Variants in FAAH2 observed in about 807,000 individuals in gnomAD.
The protein encoded by FAAH2 is fatty-acid amide hydrolase 2.
In FAAH2, 60 loss-of-function variants were observed where a neutral mutation model predicts 36.9. The ratio of observed to expected loss-of-function variants is 1.63; its 90% CI spans 1.32 to 2.02. The LOEUF (loss-of-function observed/expected upper bound fraction) is 2.02, where lower values mean the gene tolerates loss of function less well. Ranked by LOEUF, FAAH2 falls within the 30% of genes most tolerant of loss-of-function variation. The pLI is 0.00. For missense variants in FAAH2, 689 were observed against 397.5 expected (o/e 1.73, Z -6.23); for synonymous variants, 214 against 143.8 (o/e 1.49, Z -3.49).
chrX:57,485,269 A>T (rs1156802247), intron 10 of FAAH2, among the ~76,000 whole-genome samples: 2 of 111,409 alleles, frequency 1.8e-5, no homozygotes, highest in Non-Finnish European at 3.8e-5. Flanking sequence ...TGTCAGGGGC[A>T]AAGTTAGTGG....
intron 10 of FAAH2, among the ~76,000 whole-genome samples, chrX:57,452,964 T>A (rs976144585): frequency 7.1e-5 from 8 of 112,078 alleles, no homozygotes; most frequent in African/African-American, 2.6e-4. Context: ...CCTTAAAGAC[T>A]GACAACTCCC....
At chrX:57,251,393 T>A in the FAAH2 span, among the ~76,000 whole-genome samples, 2 of 111,480 alleles carry the variant, frequency 1.8e-5, no homozygotes, top group African/African-American at 6.5e-5. Flanking sequence ...ACAGCTAACC[T>A]CATACTAAGT....
At chrX:57,188,930 C>T in the FAAH2 span, among the ~76,000 whole-genome samples, 3 of 111,143 alleles carry the variant, frequency 2.7e-5, no homozygotes, top group African/African-American at 9.8e-5. Flanking sequence ...GAATGTTCAT[C>T]TTTCTTGCTA....
intron 5 of FAAH2, among the ~76,000 whole-genome samples, 158 bp from the exon 6 acceptor site, chrX:57,378,493 A>G (rs1280152115): frequency 8.9e-6 from 1 of 112,079 alleles, no homozygotes; most frequent in Non-Finnish European, 1.9e-5. Flanking sequence ...TAAGAGAGCT[A>G]GTAAAATTGT....
the FAAH2 span, among the ~76,000 whole-genome samples, chrX:57,265,630 A>C: frequency 9.0e-6 from 1 of 111,107 alleles, no homozygotes; most frequent in Admixed American, 9.5e-5. Flanking sequence ...TTGGGGGGTA[A>C]CTCCCAACCA....
At chrX:57,168,060 A>T in the FAAH2 span, among the ~76,000 whole-genome samples, 1 of 112,124 alleles carries the variant, frequency 8.9e-6, no homozygotes, top group African/African-American at 3.2e-5. Context: ...AGTTTAAATG[A>T]TTACTTTTAG....
At chrX:57,485,392 C>G (rs1325127121) in intron 10 of FAAH2, among the ~76,000 whole-genome samples, 1 of 111,047 alleles carries the variant, frequency 9.0e-6, no homozygotes, top group African/African-American at 3.3e-5. Context: ...CACTGGTGAC[C>G]TGGAGCCTGC....
intron 7 of FAAH2, chrX:57,392,837 G>T: frequency 1.4e-6 from 1 of 694,346 alleles, no homozygotes; most frequent in East Asian, 3.2e-5. Context: ...TGTGAGACAA[G>T]GACAAGTGTG....
At chrX:57,323,815 C>T (rs1470037140) in intron 3 of FAAH2, among the ~76,000 whole-genome samples, 1 of 106,050 alleles carries the variant, frequency 9.4e-6, no homozygotes, top group Non-Finnish European at 1.9e-5. Context: ...ATGGTAGTTT[C>T]TTTTGCTGTG....
At chrX:57,283,648 C>T (rs1460339635), upstream of FAAH2, among the ~76,000 whole-genome samples, 2 of 94,816 alleles carry the variant, frequency 2.1e-5, no homozygotes, top group Non-Finnish European at 4.4e-5. Context: ...GCTTGGGGCC[C>T]TGCTTGGTGA....
At chrX:57,463,728 G>C (rs1376455091) in intron 10 of FAAH2, among the ~76,000 whole-genome samples, 1 of 111,722 alleles carries the variant, frequency 9.0e-6, no homozygotes. Context: ...AGTTAGAATG[G>C]TGATCATTAA....
intron 5 of FAAH2, among the ~76,000 whole-genome samples, chrX:57,362,842 C>G (rs1394694983): frequency 9.0e-6 from 1 of 111,643 alleles, no homozygotes; most frequent in African/African-American, 3.2e-5. Context: ...ACTTCATTCC[C>G]CATTGCTTGT....
chrX:57,327,934 G>T (rs753036140), intron 3 of FAAH2, among the ~76,000 whole-genome samples: 1 of 109,330 alleles, frequency 9.1e-6, no homozygotes, highest in South Asian at 3.9e-4. Flanking sequence ...TAGAGTTTCT[G>T]GTTTTTTTGC....
intron 5 of FAAH2, among the ~76,000 whole-genome samples, chrX:57,370,416 A>C: frequency 9.0e-6 from 1 of 111,615 alleles, no homozygotes; most frequent in African/African-American, 3.3e-5. Flanking sequence ...TTGATTCAGC[A>C]AAAGGATATA....
In FAAH2 at chrX:57,476,537, G is replaced by A. The variant is rs778457771; in HGVS notation, c.1424-12220G>A. Among the ~76,000 whole-genome samples the A allele has an allele frequency of 1.4e-4, 15 of 111,091 alleles. No homozygotes were observed. The East Asian group carries it at 3.7e-3, about 27-fold the overall frequency. The stretch of plus-strand genomic sequence containing the variant: ...AGCCTTGCATCCCAGGGATGAAGCC[G>A]ACTTGATCATGGTTTATAAGCTTTT... On this transcript the variant is annotated intron_variant, in intron 10 of 10. Coordinates refer to ENST00000374900, the MANE Select transcript of FAAH2 (RefSeq NM_174912.4).
intron 5 of FAAH2, among the ~76,000 whole-genome samples, chrX:57,358,185 T>G (rs1274523261): frequency 1.8e-5 from 2 of 110,148 alleles, no homozygotes; most frequent in East Asian, 5.7e-4. Flanking sequence ...ATTTAAAAAA[T>G]TGTATTGTAT....
At chrX:57,316,243 T>G (rs2052835001) in intron 3 of FAAH2, among the ~76,000 whole-genome samples, 1 of 111,739 alleles carries the variant, frequency 8.9e-6, no homozygotes, top group South Asian at 3.7e-4. Flanking sequence ...TAAATAAATG[T>G]AAAAACATTT....
the FAAH2 span, among the ~76,000 whole-genome samples, chrX:57,216,609 CGTAT>C: frequency 1.1e-4 from 5 of 47,046 alleles, no homozygotes; most frequent in African/African-American, 3.2e-4. Context: ...TATATATATA[CGTAT>C]ATATATATAC....
chrX:57,442,621 T>C (rs1372978973), intron 8 of FAAH2, among the ~76,000 whole-genome samples: 2 of 112,160 alleles, frequency 1.8e-5, no homozygotes, highest in Non-Finnish European at 3.8e-5. Flanking sequence ...TTAAGGTTAG[T>C]ATTGTTATGT....
Sources: gnomAD v4.1 joint callset for allele counts (sites outside exome capture counted in the v4.1 genomes callset) on GRCh38, gnomAD v4.1.1 for gene constraint, MANE v1.5 for transcripts, NCBI Gene and HGNC (gene_info 2026-07-23, HGNC 2026-07-21) for gene names.